AMACR: variants seen among roughly 807,000 people sequenced by gnomAD.
AMACR encodes alpha-methylacyl-CoA racemase, also known as 2-methylacyl-CoA racemase.
In AMACR, 18 loss-of-function variants were observed where a neutral mutation model predicts 22.2. The observed-to-expected ratio is 0.81, with a 90% CI of 0.56 to 1.20. The LOEUF is 1.20. AMACR is among the 50% of genes most tolerant of loss of function. AMACR has a pLI of 0.00. For synonymous variants in AMACR, 213 were observed against 191.3 expected (o/e 1.11, Z -0.94); for missense variants, 499 against 490.6 (o/e 1.02, Z -0.16).
chr5:33,991,913 C>A (rs1433838364), intron 4 of AMACR, among the ~76,000 whole-genome samples: 1 of 152,056 alleles, frequency 6.6e-6, no homozygotes, highest in Non-Finnish European at 1.5e-5. Context: ...GAGTCTCACA[C>A]TATTGCCTGG....
intron 4 of AMACR, among the ~76,000 whole-genome samples, chr5:33,992,466 G>A (rs1473027414): frequency 1.3e-5 from 2 of 151,932 alleles, no homozygotes; most frequent in Non-Finnish European, 2.9e-5. Flanking sequence ...CCAGCACTTT[G>A]GAAGGCTGAG....
chr5:33,988,139 C>A lies in AMACR; in HGVS notation c.*954G>T. ...ACCCGGATTAGATTGTGGAATCTACCCCTTCCTCACATGCCTTTAGGAAGT... is the reference window on the plus strand; with the variant it reads ...ACCCGGATTAGATTGTGGAATCTACACCTTCCTCACATGCCTTTAGGAAGT... On this transcript the variant is annotated 3_prime_UTR_variant, in exon 5 of 5. Coordinates refer to ENST00000335606, the MANE Select transcript of AMACR (RefSeq NM_014324.6). 2 of 581,296 alleles carry A rather than the reference C, an allele frequency of 3.4e-6. No individual in the cohort carries two copies. Among genetic ancestry groups the A allele is most frequent in the Non-Finnish European group, 6.0e-6 (2 of 333,494 alleles). The allele number at this position is 581,296 out of a possible 1,614,324, so 36.0% of individuals were successfully genotyped here.
chr5:33,994,499 T>G (rs1468985177), intron 4 of AMACR, among the ~76,000 whole-genome samples: 1 of 152,036 alleles, frequency 6.6e-6, no homozygotes, highest in Non-Finnish European at 1.5e-5. Flanking sequence ...ACTACAGATG[T>G]GGGGGTTTGT....
At chr5:33,995,796 G>C (rs1250734097) in intron 4 of AMACR, among the ~76,000 whole-genome samples, 1 of 152,184 alleles carries the variant, frequency 6.6e-6, no homozygotes, top group Non-Finnish European at 1.5e-5. Flanking sequence ...AACAACAACT[G>C]TCAGAATTAA....
intron 4 of AMACR, among the ~76,000 whole-genome samples, chr5:33,990,486 A>G (rs1392141246): frequency 6.6e-6 from 1 of 152,210 alleles, no homozygotes; most frequent in Middle Eastern, 3.2e-3. Context: ...CCCTGCAGAC[A>G]TGCCCAAACT....
chr5:33,996,731 C>T (rs1366329347), intron 4 of AMACR, among the ~76,000 whole-genome samples: 1 of 152,010 alleles, frequency 6.6e-6, no homozygotes, highest in Non-Finnish European at 1.5e-5. Flanking sequence ...ATGATCACAC[C>T]ACTGCACTCC....
Position 33,988,782 on chromosome 5 carries a change from T to C in AMACR, c.*311A>G. 1 of 1,237,822 alleles carries C rather than the reference T, an allele frequency of 8.1e-7. No individual in the cohort carries two copies. The highest frequency in any genetic ancestry group is 1.5e-5 in the African/African-American group (1 of 65,358). 76.7% of individuals were successfully genotyped at this position (1,237,822 alleles called of 1,614,324 possible). ...GATGTCTTCAAGAATATATCATTCC[T>C]TTTTCACTAGAACCCATTCAAAATA... On this transcript the variant is annotated 3_prime_UTR_variant, in exon 5 of 5. Coordinates refer to ENST00000335606, the MANE Select transcript of AMACR (RefSeq NM_014324.6).
Position 33,989,188 on chromosome 5 carries a change from C to T in AMACR, c.1054G>A (p.Glu352Lys). The change falls in exon 5 of 5, where the codon GAG becomes AAG. Residue 352 changes from glutamate to lysine, a missense_variant. Physicochemically the swap from Glu to Lys is moderately conservative, Grantham distance 56. Transcript: ENST00000335606. ...CTGAATCCAAATTCTTCAAGTATCT[C>T]CTCAGTGTGTTCTCCTATGAAAGGA... ...RDPFIGEHTE[E>K]ILEEFGFSRE... 6.2e-7 allele frequency: 1 copy of T among 1,614,176 alleles called. No individual in the cohort carries two copies. The highest frequency in any genetic ancestry group is 8.5e-7 in the Non-Finnish European group (1 of 1,180,030).
chr5:34,007,999 C>T lies in AMACR; in HGVS notation c.21G>A (p.Ser7=), dbSNP rs755420976. The T allele has an allele frequency of 3.7e-6, 6 of 1,611,158 alleles. No homozygotes were observed. Among genetic ancestry groups the T allele is most frequent in the Non-Finnish European group, 5.1e-6 (6 of 1,179,772 alleles). ...GGGCCAGGCCGGACAGCTCCACGAC[C>T]GAGATGCCCTGCAGTGCCATGGCGC... MALQGI[S]VVELSGLAPG... The change falls in exon 1 of 5, where the codon TCG becomes TCA. Residue 7 remains serine (S), a synonymous_variant. Transcript: ENST00000335606.
Position 33,988,296 on chromosome 5 carries a change from G to T in AMACR, c.*797C>A. On this transcript the variant is annotated 3_prime_UTR_variant, in exon 5 of 5. Transcript: ENST00000335606. ...GAGACACAAAACGACTTGCTGGGGG[G>T]TCCTGAGATCTTTATTTCTGGATGT... 1 of 1,537,186 alleles carries T rather than the reference G, an allele frequency of 6.5e-7. No homozygotes were observed.
chr5:33,986,980 T>G lies in AMACR; in HGVS notation c.*2113A>C, dbSNP rs1753310853. ...TGCTGGACCGAGTTCAAATGAAAAGTCTGAGTTGTAGGGAAAACATCTTTT... is the reference window on the plus strand; with the variant it reads ...TGCTGGACCGAGTTCAAATGAAAAGGCTGAGTTGTAGGGAAAACATCTTTT... On this transcript the variant is annotated 3_prime_UTR_variant, in exon 5 of 5. Coordinates refer to ENST00000335606, the MANE Select transcript of AMACR (RefSeq NM_014324.6). 6.6e-6 allele frequency: 1 copy of G among 152,174 alleles called. No homozygotes were observed. 9.4% of individuals were successfully genotyped at this position (152,174 alleles called of 1,614,324 possible). A position where few individuals can be genotyped will look rare whatever the true frequency, so the allele number is the denominator to read the frequency against.
At position 33,986,963 on chromosome 5, in the gene AMACR, C is replaced by T. The variant is rs1026349050; in HGVS notation, c.*2130G>A. Reference sequence around the variant, plus strand: ...GTGGGTTATATTTTCCTTGCTGGACCGAGTTCAAATGAAAAGTCTGAGTTG... The same window carrying T: ...GTGGGTTATATTTTCCTTGCTGGACTGAGTTCAAATGAAAAGTCTGAGTTG... On this transcript the variant is annotated 3_prime_UTR_variant, in exon 5 of 5. Transcript: ENST00000335606. 6.6e-6 allele frequency: 1 copy of T among 152,018 alleles called. No homozygotes were observed. Among genetic ancestry groups the T allele is most frequent in the Non-Finnish European group, 1.5e-5 (1 of 68,020 alleles). The allele number at this position is 152,018 out of a possible 1,614,324, so 9.4% of individuals were successfully genotyped here. A position where few individuals can be genotyped will look rare whatever the true frequency, so the allele number is the denominator to read the frequency against.
chr5:33,999,282 A>G (rs1753739199), intron 3 of AMACR, among the ~76,000 whole-genome samples: 1 of 152,240 alleles, frequency 6.6e-6, no homozygotes, highest in Non-Finnish European at 1.5e-5. Context: ...CACATTTTAA[A>G]GGTAAATCAC....
At chr5:33,991,827 G>A (rs1420031966) in intron 4 of AMACR, among the ~76,000 whole-genome samples, 4 of 150,184 alleles carry the variant, frequency 2.7e-5, no homozygotes, top group African/African-American at 9.8e-5. Flanking sequence ...TCCAAGCTCT[G>A]CCTCCCAGGT....
intron 4 of AMACR, among the ~76,000 whole-genome samples, chr5:33,994,967 C>T (rs978478361): frequency 6.6e-5 from 10 of 152,162 alleles, no homozygotes; most frequent in Admixed American, 2.6e-4. Flanking sequence ...CTTCTTCATC[C>T]GAGGTTTGGC....
In AMACR at chr5:34,007,640, C is replaced by G. The variant is rs1269079443; in HGVS notation, c.247+133G>C. ...TAACAATACCCTAGGAGGCAAAAATCTGGAAGGCTGGGGCCGACAAGGGTT... is the reference window on the plus strand; with the variant it reads ...TAACAATACCCTAGGAGGCAAAAATGTGGAAGGCTGGGGCCGACAAGGGTT... On this transcript the variant is annotated intron_variant, in intron 1 of 4. Transcript: ENST00000335606. 2.2e-6 allele frequency: 3 copies of G among 1,342,078 alleles called. No individual in the cohort carries two copies. In the African/African-American group the frequency reaches 4.6e-5, roughly 20 times the overall value. The allele number at this position is 1,342,078 out of a possible 1,614,324, so 83.1% of individuals were successfully genotyped here.
intron 1 of AMACR, among the ~76,000 whole-genome samples, chr5:34,006,590 A>G (rs1332498328): frequency 6.6e-6 from 1 of 151,632 alleles, no homozygotes; most frequent in African/African-American, 2.4e-5. Flanking sequence ...ACCAGTCACA[A>G]CTCCTCACCC....
rs769202196 is a variant in AMACR, at chr5:33,989,465, C to T, written c.777G>A (p.Met259Ile). 20 of 1,614,048 alleles carry T rather than the reference C, an allele frequency of 1.2e-5. No homozygotes were observed. Among genetic ancestry groups the T allele is most frequent in the Non-Finnish European group, 1.6e-5 (19 of 1,180,018 alleles). ...GLKSDELPNQMSMDDWPEMKK... is the reference protein window; with the variant it reads ...GLKSDELPNQISMDDWPEMKK... The stretch of plus-strand genomic sequence containing the variant: ...TCATTTCTGGCCAATCATCCATGCT[C>T]ATCTGATTGGGAAGTTCATCAGACT... The change falls in exon 5 of 5, where the codon ATG becomes ATA. Residue 259 changes from methionine (M) to isoleucine (I), a missense_variant. By Grantham distance (10) the Met-to-Ile change is conservative. Coordinates refer to ENST00000335606, the MANE Select transcript of AMACR (RefSeq NM_014324.6).
At chr5:33,994,118 G>T (rs1282942254) in intron 4 of AMACR, 2 of 452,668 alleles carry the variant, frequency 4.4e-6, no homozygotes, top group East Asian at 7.0e-5. Context: ...TGGTATCAAA[G>T]ATCTAAAACA....
Sources: gnomAD v4.1 joint callset for allele counts (sites outside exome capture counted in the v4.1 genomes callset) on GRCh38, gnomAD v4.1.1 for gene constraint, MANE v1.5 for transcripts, NCBI Gene and HGNC (gene_info 2026-07-23, HGNC 2026-07-21) for gene names.